Variants in PTBP3 observed in about 807,000 individuals in gnomAD.
PTBP3 encodes the protein polypyrimidine tract binding protein 3, also known as polypyrimidine tract-binding protein 3.
PTBP3 carries 20 observed loss-of-function variants against 58.7 expected under a neutral mutation model. The ratio of observed to expected loss-of-function variants is 0.34; its 90% confidence interval spans 0.24 to 0.50. PTBP3 has a LOEUF of 0.50. Among genes scored for constraint, PTBP3 ranks in the 20% least tolerant of loss-of-function variants. The probability of loss-of-function intolerance (pLI) is 0.98; values close to 1 mark genes in which losing one functional copy is unlikely to be tolerated. For synonymous variants in PTBP3, 185 were observed against 219.8 expected (o/e 0.84, Z 1.40); for missense variants, 509 against 637.2 (o/e 0.80, Z 2.17).
At chr9:112,241,682 G>C (rs920418109) in intron 7 of PTBP3, among the ~76,000 whole-genome samples, 21 of 152,252 alleles carry the variant, frequency 1.4e-4, no homozygotes, top group African/African-American at 5.1e-4. Context: ...ACGTTTCTCA[G>C]AACGTATCCC....
chr9:112,277,478 C>T (rs116949999), intron 2 of PTBP3, among the ~76,000 whole-genome samples: 1 of 152,202 alleles, frequency 6.6e-6, no homozygotes, highest in Non-Finnish European at 1.5e-5. Context: ...CTGATCTTGC[C>T]CCCACTTCAG....
chr9:112,358,596 A>G, the PTBP3 span, among the ~76,000 whole-genome samples: 1 of 152,206 alleles, frequency 6.6e-6, no homozygotes, highest in African/African-American at 2.4e-5. Flanking sequence ...GTATACACAA[A>G]GGCTTTTTAT....
At chr9:112,349,219 G>A in the PTBP3 span, among the ~76,000 whole-genome samples, 1 of 152,150 alleles carries the variant, frequency 6.6e-6, no homozygotes, top group African/African-American at 2.4e-5. Context: ...GATTTGATGA[G>A]CTTCCGGGTT....
At position 112,319,888 on chromosome 9, in the gene PTBP3, C is replaced by T. The variant is rs577301772; in HGVS notation, c.-52+13582G>A. On this transcript the variant is annotated intron_variant, in intron 1 of 13. Coordinates refer to ENST00000374257, the MANE Select transcript of PTBP3 (RefSeq NM_001163788.4). ...TGTCATGAGACAACATGGATAAACC[C>T]GGAGGACACTGCGTTAAGCAAAATA... 2.6e-5 allele frequency among the ~76,000 whole-genome samples: 4 copies of T among 152,164 alleles called. No individual in the cohort carries two copies. The East Asian group carries it at 7.7e-4, about 29-fold the overall frequency.
At chr9:112,250,732 A>G (rs1015491068) in intron 7 of PTBP3, among the ~76,000 whole-genome samples, 197 bp downstream of exon 7, 1 of 152,192 alleles carries the variant, frequency 6.6e-6, no homozygotes, top group African/African-American at 2.4e-5. Flanking sequence ...TCAATTTCAG[A>G]TATTCATCTG....
intron 1 of PTBP3, among the ~76,000 whole-genome samples, chr9:112,312,500 TAAAAA>T (rs67629809): frequency 8.1e-6 from 1 of 123,072 alleles, no homozygotes; most frequent in African/African-American, 3.2e-5. Context: ...TTTTTTTTTT[TAAAAA>T]AAAAAAAAAG....
chr9:112,269,323 A>C (rs1215424136), intron 3 of PTBP3, among the ~76,000 whole-genome samples: 1 of 152,152 alleles, frequency 6.6e-6, no homozygotes, highest in Non-Finnish European at 1.5e-5. Flanking sequence ...AAAGAAAAAA[A>C]CAGAGGAAAA....
Position 112,220,229 on chromosome 9 carries a change from G to A in PTBP3, c.*3622C>T, listed in dbSNP as rs1192140162. On this transcript the variant is annotated 3_prime_UTR_variant, in exon 14 of 14. Coordinates refer to ENST00000374257, the MANE Select transcript of PTBP3 (RefSeq NM_001163788.4). ...CAGAAGAGAAACTGCATGACAATAT[G>A]CTAAACATGTAAGCACTGCTGACTG... is the stretch of plus-strand genomic sequence containing the variant. The A allele has an allele frequency of 7.4e-7, 1 of 1,347,466 alleles. No individual in the cohort carries two copies. Among genetic ancestry groups the A allele is most frequent in the Non-Finnish European group, 9.8e-7 (1 of 1,019,868 alleles). The allele number at this position is 1,347,466 out of a possible 1,614,324, so 83.5% of individuals were successfully genotyped here. A position where few individuals can be genotyped will look rare whatever the true frequency, so the allele number is the denominator to read the frequency against.
intron 2 of PTBP3, among the ~76,000 whole-genome samples, chr9:112,283,033 T>C (rs928136914): frequency 2.0e-5 from 3 of 152,220 alleles, no homozygotes; most frequent in Non-Finnish European, 4.4e-5. Flanking sequence ...GAGACTTGCC[T>C]GCTTCCCCTT....
intron 3 of PTBP3, among the ~76,000 whole-genome samples, chr9:112,270,513 A>C (rs550049734): frequency 1.3e-5 from 2 of 152,058 alleles, no homozygotes; most frequent in African/African-American, 4.8e-5. Context: ...AAACATACGA[A>C]GCATTTTTAA....
intron 2 of PTBP3, among the ~76,000 whole-genome samples, chr9:112,296,757 T>C (rs538415672): frequency 3.3e-5 from 5 of 152,328 alleles, no homozygotes; most frequent in African/African-American, 9.6e-5. Flanking sequence ...CGTCCAACTC[T>C]GTTCTTCCTA....
chr9:112,363,652 T>G, the PTBP3 span, among the ~76,000 whole-genome samples: 26 of 152,324 alleles, frequency 1.7e-4, 1 homozygote, highest in South Asian at 4.3e-3. Flanking sequence ...AATTGATCTA[T>G]ATGTCTATCC....
At position 112,306,605 on chromosome 9, in the gene PTBP3, TTTTTG is replaced by T. The variant is rs780356608; in HGVS notation, c.-51-8694_-51-8690del. On this transcript the variant is annotated intron_variant, in intron 1 of 13. Coordinates refer to ENST00000374257, the MANE Select transcript of PTBP3 (RefSeq NM_001163788.4). ...AAATTTGTATATATATATATATATATTTTTGTTTGTTTGTTTGTTTGTTTGTTTTG... is the reference window on the plus strand; with the variant it reads ...AAATTTGTATATATATATATATATATTTTGTTTGTTTGTTTGTTTGTTTTG... Among the ~76,000 whole-genome samples, 425 of 94,078 alleles carry T rather than the reference TTTTTG, an allele frequency of 4.5e-3. 2 individuals are homozygous for T. The highest frequency in any genetic ancestry group is 0.029 in the African/African-American group (391 of 13,520). The allele number at this position is 94,078 out of a possible 152,430, so 61.7% of individuals were successfully genotyped here. A position where few individuals can be genotyped will look rare whatever the true frequency, so the allele number is the denominator to read the frequency against.
At chr9:112,299,020 A>C (rs1056082474) in intron 1 of PTBP3, among the ~76,000 whole-genome samples, 8 of 152,156 alleles carry the variant, frequency 5.3e-5, no homozygotes, top group African/African-American at 1.7e-4. Context: ...TTCCTAATAA[A>C]ATCTGAGATG....
In PTBP3 at chr9:112,223,017, G is replaced by C; in HGVS notation, c.*834C>G. The C allele has an allele frequency of 1.2e-6, 1 of 848,182 alleles. No homozygotes were observed. Among genetic ancestry groups the C allele is most frequent in the Non-Finnish European group, 1.4e-6 (1 of 704,930 alleles). 52.5% of individuals were successfully genotyped at this position (848,182 alleles called of 1,614,324 possible). A position where few individuals can be genotyped will look rare whatever the true frequency, so the allele number is the denominator to read the frequency against. ...TTATAAAAAAGTAGTTTATAAGTAG[G>C]ATTATTTTTCTTTAAAATTTTCCAA... On this transcript the variant is annotated 3_prime_UTR_variant, in exon 14 of 14. Coordinates refer to ENST00000374257, the MANE Select transcript of PTBP3 (RefSeq NM_001163788.4).
intron 2 of PTBP3, among the ~76,000 whole-genome samples, chr9:112,285,965 T>C (rs1320575989): frequency 2.0e-5 from 3 of 152,236 alleles, no homozygotes; most frequent in African/African-American, 7.2e-5. Flanking sequence ...TAGTTTTCAC[T>C]TTACGTGTTT....
At chr9:112,369,824 T>G in the PTBP3 span, among the ~76,000 whole-genome samples, 1 of 152,078 alleles carries the variant, frequency 6.6e-6, no homozygotes, top group South Asian at 2.1e-4. Flanking sequence ...AAATTGTAGC[T>G]CCCATAATAC....
rs35381625 is a variant in PTBP3 at position 112,320,279 on chromosome 9, T to TAAAAAA, written c.-52+13185_-52+13190dup. Among the ~76,000 whole-genome samples the TAAAAAA allele has an allele frequency of 5.0e-3, 217 of 43,686 alleles. 1 individual carries two copies. The highest frequency in any genetic ancestry group is 0.013 in the African/African-American group (101 of 7,500). 28.7% of individuals were successfully genotyped at this position (43,686 alleles called of 152,430 possible). A position where few individuals can be genotyped will look rare whatever the true frequency, so the allele number is the denominator to read the frequency against. On this transcript the variant is annotated intron_variant, in intron 1 of 13. Transcript: ENST00000374257. ...GGCAACAGGACGAGACCCTTTCTCTTAAAAAAAAAAAAATATATATATATA... is the reference window on the plus strand; with the variant it reads ...GGCAACAGGACGAGACCCTTTCTCTTAAAAAAAAAAAAAAAAAAATATATATATATA...
At chr9:112,372,252 A>T in the PTBP3 span, among the ~76,000 whole-genome samples, 1 of 151,720 alleles carries the variant, frequency 6.6e-6, no homozygotes, top group African/African-American at 2.4e-5. Flanking sequence ...AATTAAAAGA[A>T]TTTTTTTTGT....
Sources: allele counts gnomAD v4.1 joint callset (sites outside exome capture counted in the v4.1 genomes callset), GRCh38; gene constraint gnomAD v4.1.1; transcripts MANE v1.5; gene names NCBI Gene and HGNC (gene_info 2026-07-23, HGNC 2026-07-21).